RFX3: variants seen among roughly 807,000 people sequenced by gnomAD.
The protein encoded by RFX3 is transcription factor RFX3.
RFX3 carries 14 observed loss-of-function variants against 98.6 expected under a neutral mutation model. The observed-to-expected ratio is 0.14, with a 90% confidence interval of 0.09 to 0.22. RFX3 has a LOEUF of 0.22. Ranked by LOEUF, RFX3 falls within the 10% of genes least tolerant of loss-of-function variation. The pLI, the probability that RFX3 is intolerant of heterozygous loss-of-function variation, is 1.00. For synonymous variants in RFX3, 383 were observed against 328.4 expected, an observed-to-expected ratio of 1.17 and a Z score of -1.80; for missense variants, 639 against 926.9, an observed-to-expected ratio of 0.69 and a Z score of 4.03.
At chr9:3,339,825 G>A (rs1165205786) in intron 3 of RFX3, among the ~76,000 whole-genome samples, 2 of 152,116 alleles carry the variant, frequency 1.3e-5, no homozygotes, top group African/African-American at 2.4e-5. Context: ...TGGCCATACT[G>A]CCCAAGGTAA....
rs1290111891 is a variant in RFX3 at position 3,220,737 on chromosome 9, T to C, written c.*4305A>G. On this transcript the variant is annotated 3_prime_UTR_variant, in exon 17 of 17. Transcript: ENST00000617270. ...TGATCTGAAAGGCTTTTGTCCCCCA[T>C]TGTATATCTTACAATGCTCAAAGGG... 2 of 152,068 alleles carry C rather than the reference T, an allele frequency of 1.3e-5. No individual in the cohort carries two copies. The highest frequency in any genetic ancestry group is 2.4e-5 in the African/African-American group (1 of 41,412). The allele number at this position is 152,068 out of a possible 1,614,324, so 9.4% of individuals were successfully genotyped here. A position where few individuals can be genotyped will look rare whatever the true frequency, so the allele number is the denominator to read the frequency against.
At chr9:3,283,446 C>A (rs1826172697) in intron 7 of RFX3, among the ~76,000 whole-genome samples, 1 of 146,406 alleles carries the variant, frequency 6.8e-6, no homozygotes, top group Admixed American at 6.6e-5. Context: ...TTAAGTCATA[C>A]ACTCTGCAGA....
chr9:3,453,123 T>A (rs541339405), intron 1 of RFX3, among the ~76,000 whole-genome samples: 5 of 152,126 alleles, frequency 3.3e-5, no homozygotes, highest in Non-Finnish European at 7.4e-5. Flanking sequence ...GTAAATTTCT[T>A]AGCCTAGTGA....
chr9:3,242,844 C>G (rs1488552784), intron 15 of RFX3, among the ~76,000 whole-genome samples: 2 of 151,822 alleles, frequency 1.3e-5, no homozygotes, highest in Non-Finnish European at 2.9e-5. Flanking sequence ...CGCAATTGAA[C>G]ACTTAAAGAC....
At chr9:3,432,181 C>T (rs1466141217) in intron 1 of RFX3, among the ~76,000 whole-genome samples, 4 of 152,096 alleles carry the variant, frequency 2.6e-5, no homozygotes, top group East Asian at 1.9e-4. Context: ...TGTAAATAAA[C>T]GGCCTGTGTT....
At chr9:3,270,901 T>C (rs943055702) in intron 10 of RFX3, 102 bp downstream of exon 10, 3 of 1,512,846 alleles carry the variant, frequency 2.0e-6, no homozygotes, top group South Asian at 1.2e-5. Flanking sequence ...ATTCAATTAA[T>C]GTCATCAGGT....
At chr9:3,431,887 G>C (rs1241793084) in intron 1 of RFX3, among the ~76,000 whole-genome samples, 1 of 152,090 alleles carries the variant, frequency 6.6e-6, no homozygotes, top group African/African-American at 2.4e-5. Flanking sequence ...CTATTCTGGG[G>C]AAAAATGCCA....
At chr9:3,370,064 AT>A (rs1209062530) in intron 2 of RFX3, among the ~76,000 whole-genome samples, 3 of 145,430 alleles carry the variant, frequency 2.1e-5, no homozygotes, top group African/African-American at 7.8e-5. Flanking sequence ...GATGGTCTCG[AT>A]CTCCTGACCT....
At chr9:3,397,266 C>T (rs935841702) in intron 1 of RFX3, among the ~76,000 whole-genome samples, 1 of 152,148 alleles carries the variant, frequency 6.6e-6, no homozygotes, top group African/African-American at 2.4e-5. Flanking sequence ...TGCTATTGAG[C>T]AAAGACCAGA....
chr9:3,442,646 G>A lies in RFX3; in HGVS notation c.-8-47050C>T, dbSNP rs114627884. Among the ~76,000 whole-genome samples, 1,435 of 152,172 alleles carry A rather than the reference G, an allele frequency of 9.4e-3. 24 individuals are homozygous for A. The highest frequency in any genetic ancestry group is 0.033 in the African/African-American group (1,371 of 41,520). On this transcript the variant is annotated intron_variant, in intron 1 of 16. Transcript: ENST00000617270. ...CAAATATATCATGCTTATTTAAAACGTTCACAAAAGGAGAAAAGGAATGGG... is the reference window on the plus strand; with the variant it reads ...CAAATATATCATGCTTATTTAAAACATTCACAAAAGGAGAAAAGGAATGGG...
At chr9:3,247,634 T>C (rs752919008) in intron 15 of RFX3, 14 of 1,363,654 alleles carry the variant, frequency 1.0e-5, no homozygotes, top group Non-Finnish European at 1.3e-5. Context: ...TACTTTGTTC[T>C]TGGAGACCGG....
chr9:3,320,790 T>C (rs976104934), intron 4 of RFX3, among the ~76,000 whole-genome samples: 22 of 142,066 alleles, frequency 1.5e-4, no homozygotes, highest in African/African-American at 5.6e-4. Flanking sequence ...TATATATATA[T>C]ATATATATAT....
intron 1 of RFX3, among the ~76,000 whole-genome samples, chr9:3,508,673 G>C (rs1817358587): frequency 6.6e-6 from 1 of 151,948 alleles, no homozygotes; most frequent in African/African-American, 2.4e-5. Context: ...AGGTTTATCT[G>C]TGGGGATTTA....
intron 1 of RFX3, chr9:3,421,055 T>C (rs1230824762): frequency 3.0e-6 from 1 of 331,264 alleles, no homozygotes; most frequent in Admixed American, 6.8e-5. Flanking sequence ...CAACAAATAA[T>C]CAATACAGTA....
intron 2 of RFX3, among the ~76,000 whole-genome samples, chr9:3,372,080 C>T (rs982748309): frequency 2.0e-5 from 3 of 152,130 alleles, no homozygotes; most frequent in Non-Finnish European, 4.4e-5. Context: ...CAGTGTACAC[C>T]GGCCAAGCTT....
At chr9:3,318,578 C>A (rs1466120327) in intron 4 of RFX3, among the ~76,000 whole-genome samples, 1 of 149,082 alleles carries the variant, frequency 6.7e-6, no homozygotes, top group East Asian at 2.0e-4. Context: ...GAAAGCAAAT[C>A]TAGCCAGCTT....
chr9:3,253,884 AT>A (rs1453238338), intron 14 of RFX3, among the ~76,000 whole-genome samples: 1 of 152,024 alleles, frequency 6.6e-6, no homozygotes, highest in Non-Finnish European at 1.5e-5. Context: ...TGTGAATGTA[AT>A]TTTCATTACT....
chr9:3,310,615 T>C (rs1829851778), intron 4 of RFX3, among the ~76,000 whole-genome samples: 1 of 152,182 alleles, frequency 6.6e-6, no homozygotes. Flanking sequence ...TAATTCTCAC[T>C]TTATCTTCAC....
intron 9 of RFX3, among the ~76,000 whole-genome samples, chr9:3,272,808 C>T (rs1342515192): frequency 6.6e-6 from 1 of 152,114 alleles, no homozygotes; most frequent in Non-Finnish European, 1.5e-5. Context: ...GTTACACTTG[C>T]TCCTTACATA....
Sources: gnomAD v4.1 joint callset for allele counts (sites outside exome capture counted in the v4.1 genomes callset) on GRCh38, gnomAD v4.1.1 for gene constraint, MANE v1.5 for transcripts, NCBI Gene and HGNC (gene_info 2026-07-23, HGNC 2026-07-21) for gene names.